The following SLC41A3 variants were observed in gnomAD, a reference collection of about 807,000 sequenced individuals.
The protein encoded by SLC41A3 is solute carrier family 41 member 3, also known as SLC41A1-like 2.
SLC41A3 carries 44 observed loss-of-function variants against 45.4 expected under a neutral mutation model. The ratio of observed to expected loss-of-function variants is 0.97; its 90% CI spans 0.76 to 1.25. SLC41A3 has a LOEUF of 1.25. Ranked by LOEUF, SLC41A3 falls within the 50% of genes most tolerant of loss-of-function variation. The pLI is 0.00. For synonymous variants in SLC41A3, 256 were observed against 252.4 expected, an observed-to-expected ratio of 1.01 and a Z score of -0.13; for missense variants, 550 against 600.6, an observed-to-expected ratio of 0.92 and a Z score of 0.88.
At chr3:126,090,099 T>C (rs1310257938) in intron 1 of SLC41A3, among the ~76,000 whole-genome samples, 1 of 150,402 alleles carries the variant, frequency 6.6e-6, no homozygotes, top group African/African-American at 2.4e-5. Context: ...TACCTTTCTC[T>C]CTAAGTTCTC....
chr3:126,082,557 C>T (rs1559893415), intron 1 of SLC41A3, among the ~76,000 whole-genome samples: 2 of 152,310 alleles, frequency 1.3e-5, no homozygotes, highest in South Asian at 2.1e-4. Context: ...TTCAGAGCCA[C>T]GCCTGAGTCT....
intron 3 of SLC41A3, among the ~76,000 whole-genome samples, chr3:126,035,955 T>C (rs1942157073): frequency 6.6e-6 from 1 of 152,052 alleles, no homozygotes; most frequent in Admixed American, 6.5e-5. Flanking sequence ...TGAATAGGAA[T>C]GAAGAGTTCA....
intron 1 of SLC41A3, among the ~76,000 whole-genome samples, chr3:126,093,987 C>A (rs1218444353): frequency 6.6e-6 from 1 of 152,200 alleles, no homozygotes; most frequent in Non-Finnish European, 1.5e-5. Context: ...GTTGGCAAAG[C>A]CCTTGAAGTA....
chr3:126,011,590 C>T (rs1939716171), intron 9 of SLC41A3, among the ~76,000 whole-genome samples: 1 of 152,156 alleles, frequency 6.6e-6, no homozygotes, highest in African/African-American at 2.4e-5. Context: ...AGGAGCCTAA[C>T]AAACCCCAAA....
chr3:126,083,666 T>C (rs1945279975), intron 1 of SLC41A3, among the ~76,000 whole-genome samples: 1 of 151,888 alleles, frequency 6.6e-6, no homozygotes, highest in Admixed American at 6.5e-5. Flanking sequence ...CCAGGAGCCG[T>C]GCCCTGAGCA....
intron 3 of SLC41A3, among the ~76,000 whole-genome samples, chr3:126,039,295 A>G (rs1173506194): frequency 6.6e-6 from 1 of 152,214 alleles, no homozygotes; most frequent in African/African-American, 2.4e-5. Flanking sequence ...TTTCTCACTA[A>G]TGTCCTTTTT....
chr3:126,007,255 A>C (rs1322042511), intron 10 of SLC41A3, 30 bp from the exon 11 acceptor site: 2 of 1,606,900 alleles, frequency 1.2e-6, no homozygotes, highest in East Asian at 2.2e-5. Context: ...ACACAAAAGA[A>C]GACCAAGTCA....
intron 6 of SLC41A3, 114 bp downstream of exon 6, chr3:126,022,672 C>G (rs927211911): frequency 2.2e-6 from 3 of 1,348,036 alleles, no homozygotes; most frequent in African/African-American, 2.9e-5. Context: ...GGGACACATT[C>G]AAACAACAGC....
chr3:126,029,614 C>A (rs1017046889), intron 4 of SLC41A3, among the ~76,000 whole-genome samples: 5 of 152,154 alleles, frequency 3.3e-5, no homozygotes, highest in African/African-American at 9.7e-5. Context: ...TTTTTTAAAG[C>A]TAAAAATTGC....
chr3:126,094,294 A>G (rs192391485), intron 1 of SLC41A3, among the ~76,000 whole-genome samples: 376 of 152,346 alleles, frequency 2.5e-3, no homozygotes, highest in African/African-American at 8.1e-3. Flanking sequence ...GATGGCGGCC[A>G]TTGTTAAGCC....
rs559673701 is a variant in SLC41A3 at position 126,030,680 on chromosome 3, T to C, written c.453+2927A>G. ...GTGAATGGGTGGGTGGATGGACAAA[T>C]AAACAGATGGACAAATGGATGAGTA... On this transcript the variant is annotated intron_variant, in intron 4 of 10. Coordinates refer to ENST00000360370, the MANE Select transcript of SLC41A3 (RefSeq NM_017836.4). 2.6e-5 allele frequency among the ~76,000 whole-genome samples: 4 copies of C among 152,182 alleles called. No individual in the cohort carries two copies. The South Asian group carries it at 6.2e-4, about 24-fold the overall frequency.
At position 126,016,842 on chromosome 3, in the gene SLC41A3, C is replaced by G. The variant is rs1378659332; in HGVS notation, c.779G>C (p.Ser260Thr). ...SRYLTPLVCL[S>T]FAALTPVWVL... ...CCACACTGGGGTCAGAGCCGCAAAGCTGAGGCAGACCAGCGGCGTCAGATA... is the reference window on the plus strand; with the variant it reads ...CCACACTGGGGTCAGAGCCGCAAAGGTGAGGCAGACCAGCGGCGTCAGATA... Residue 260 changes from serine (S) to threonine (T), a missense_variant, in exon 7 of 11, where the codon AGC (serine) becomes ACC (threonine). By Grantham distance (58) the Ser-to-Thr change is moderately conservative (BLOSUM62 1). Coordinates refer to ENST00000360370, the MANE Select transcript of SLC41A3 (RefSeq NM_017836.4). The G allele has an allele frequency of 3.1e-6, 5 of 1,612,976 alleles. No individual in the cohort carries two copies. The highest frequency in any genetic ancestry group is 1.7e-5 in the Admixed American group (1 of 59,846).
chr3:126,054,754 C>G (rs894917130), intron 2 of SLC41A3, among the ~76,000 whole-genome samples: 4 of 152,002 alleles, frequency 2.6e-5, no homozygotes, highest in South Asian at 2.1e-4. Context: ...AGGCAAACAC[C>G]TCCTTGTGGC....
chr3:126,063,051 G>A (rs775473802), intron 2 of SLC41A3, among the ~76,000 whole-genome samples: 2 of 152,150 alleles, frequency 1.3e-5, no homozygotes, highest in Non-Finnish European at 2.9e-5. Flanking sequence ...ACCATCAGAG[G>A]AGTAGCTGCT....
chr3:126,091,653 T>C lies in SLC41A3; in HGVS notation c.-79+9776A>G, dbSNP rs115720632. Among the ~76,000 whole-genome samples the C allele has an allele frequency of 6.0e-3, 911 of 152,208 alleles. 5 individuals carry two copies. Among genetic ancestry groups the C allele is most frequent in the Non-Finnish European group, 0.01 (711 of 67,994 alleles). On this transcript the variant is annotated intron_variant, in intron 1 of 9. Coordinates refer to the SLC41A3 transcript ENST00000508835. ...AATGTTTCTTATCAGACTTAAAAAG[T>C]TGTCAGACTCTTAGTTAATTCTTTC...
At chr3:126,094,461 A>T (rs1035288929) in intron 1 of SLC41A3, among the ~76,000 whole-genome samples, 2 of 152,198 alleles carry the variant, frequency 1.3e-5, no homozygotes, top group African/African-American at 4.8e-5. Context: ...GGAATTCTCC[A>T]GTTTTCGTAA....
At chr3:126,020,450 C>T (rs1024848659) in intron 6 of SLC41A3, among the ~76,000 whole-genome samples, 1 of 152,180 alleles carries the variant, frequency 6.6e-6, no homozygotes, top group Non-Finnish European at 1.5e-5. Context: ...CTCCTGGAAA[C>T]TCTTTCATTC....
At chr3:126,022,235 T>A (rs1395978455) in intron 6 of SLC41A3, among the ~76,000 whole-genome samples, 1 of 152,266 alleles carries the variant, frequency 6.6e-6, no homozygotes, top group Non-Finnish European at 1.5e-5. Context: ...TCCAGATAGC[T>A]GGACTCACCG....
intron 3 of SLC41A3, among the ~76,000 whole-genome samples, chr3:126,045,174 TA>T (rs1327331216): frequency 6.6e-6 from 1 of 151,570 alleles, no homozygotes; most frequent in South Asian, 2.1e-4. Context: ...TCAATTCCAT[TA>T]AAAAAAGAAG....
Sources: gnomAD v4.1 joint callset for allele counts (sites outside exome capture counted in the v4.1 genomes callset) on GRCh38, gnomAD v4.1.1 for gene constraint, MANE v1.5 for transcripts, NCBI Gene and HGNC (gene_info 2026-07-23, HGNC 2026-07-21) for gene names.